MAMDC2: variants seen among roughly 807,000 people sequenced by gnomAD.
The protein encoded by MAMDC2 is MAM domain-containing protein 2.
MAMDC2 carries 57 observed loss-of-function variants against 89.8 expected under a neutral mutation model. The observed-to-expected ratio is 0.63, with a 90% CI of 0.51 to 0.79. The LOEUF is 0.79. MAMDC2 is among the 30% of genes least tolerant of loss of function. The probability of loss-of-function intolerance (pLI) is 0.00; values close to 1 mark genes in which losing one functional copy is unlikely to be tolerated. For missense variants in MAMDC2, 800 were observed against 820.6 expected, an observed-to-expected ratio of 0.97 and a Z score of 0.31; for synonymous variants, 313 against 293.4, an observed-to-expected ratio of 1.07 and a Z score of -0.68.
At chr9:70,140,878 A>G (rs1418506372) in intron 8 of MAMDC2, among the ~76,000 whole-genome samples, 2 of 152,200 alleles carry the variant, frequency 1.3e-5, no homozygotes, top group Non-Finnish European at 2.9e-5. Context: ...CACTTGATGG[A>G]TATATTTACA....
Position 70,044,607 on chromosome 9 carries a change from G to T in MAMDC2, c.58G>T (p.Asp20Tyr), listed in dbSNP as rs193920950. 1 of 1,550,728 alleles carries T rather than the reference G, an allele frequency of 6.4e-7. No individual in the cohort carries two copies. The highest frequency in any genetic ancestry group is 1.2e-5 in the South Asian group (1 of 84,002). The change falls in exon 2 of 14, where the codon GAC becomes TAC. Residue 20 changes from aspartate to tyrosine, a missense_variant. Physicochemically the swap from Asp to Tyr is radical, Grantham distance 160. Coordinates refer to ENST00000377182, the MANE Select transcript of MAMDC2 (RefSeq NM_153267.5). ...AGCCCTGCAGCTCGCCGGTGCCCTC[G>T]ACCTGCCCGCTGGGTCCTGTGCCTT... ...LQALQLAGAL[D>Y]LPAGSCAFEE...
chr9:70,170,461 TCTG>T lies in MAMDC2; in HGVS notation c.1499-15_1499-13del. Reference sequence around the variant, plus strand: ...TGAAAGAGTCTCAGTGATTGCAACATCTGCTATTTTCTTGCAGAGAAACTTCCA... The same window carrying T: ...TGAAAGAGTCTCAGTGATTGCAACATCTATTTTCTTGCAGAGAAACTTCCA... On this transcript the variant is annotated splice_polypyrimidine_tract_variant and intron_variant, in intron 10 of 13. Coordinates refer to ENST00000377182, the MANE Select transcript of MAMDC2 (RefSeq NM_153267.5). 6.3e-7 allele frequency: 1 copy of T among 1,594,946 alleles called. No individual in the cohort carries two copies. Among genetic ancestry groups the T allele is most frequent in the East Asian group, 2.2e-5 (1 of 44,496 alleles).
At chr9:70,154,076 G>A (rs896709996) in intron 9 of MAMDC2, 1 of 152,172 alleles carries the variant, frequency 6.6e-6, no homozygotes, top group African/African-American at 2.4e-5. Flanking sequence ...TAGAACCCTT[G>A]TCTTGTATAG....
intron 2 of MAMDC2, among the ~76,000 whole-genome samples, chr9:70,085,407 G>C (rs1307830966): frequency 6.6e-6 from 1 of 152,036 alleles, no homozygotes; most frequent in Non-Finnish European, 1.5e-5. Context: ...TAGGGTCTTA[G>C]TTTTGTCAAA....
intron 11 of MAMDC2, among the ~76,000 whole-genome samples, chr9:70,171,489 G>A (rs902842903): frequency 6.6e-6 from 1 of 151,942 alleles, no homozygotes; most frequent in Non-Finnish European, 1.5e-5. Flanking sequence ...ACAGAGCAAG[G>A]CCCTGTCTCG....
At chr9:70,155,821 A>G (rs1002187049) in intron 9 of MAMDC2, among the ~76,000 whole-genome samples, 3 of 152,204 alleles carry the variant, frequency 2.0e-5, no homozygotes, top group Admixed American at 6.5e-5. Context: ...TGCAGAAATC[A>G]TTATACATAC....
chr9:70,044,798 G>A (rs1241299639), intron 2 of MAMDC2, 101 bp downstream of exon 2: 3 of 904,466 alleles, frequency 3.3e-6, no homozygotes, highest in Admixed American at 2.0e-5. Flanking sequence ...TTAATTCTCC[G>A]CGGCAAGAAA....
At chr9:70,157,379 C>T (rs1025977242) in intron 9 of MAMDC2, 5 of 152,178 alleles carry the variant, frequency 3.3e-5, no homozygotes, top group East Asian at 1.9e-4. Flanking sequence ...ACAATTCACA[C>T]ATTAATAAAG....
intron 2 of MAMDC2, among the ~76,000 whole-genome samples, chr9:70,100,002 GA>G (rs879324703): frequency 0.059 from 8,697 of 148,240 alleles, 835 homozygotes; most frequent in African/African-American, 0.2. Flanking sequence ...GAGAGAGAGA[GA>G]GAGAGAGAGA....
chr9:70,199,642 GT>G (rs1272205676), intron 11 of MAMDC2, among the ~76,000 whole-genome samples: 19 of 65,482 alleles, frequency 2.9e-4, no homozygotes, highest in African/African-American at 7.7e-4. Context: ...TTCCACAATG[GT>G]TGAACTAGTT....
intron 11 of MAMDC2, among the ~76,000 whole-genome samples, chr9:70,202,856 T>A (rs1301749247): frequency 1.3e-5 from 2 of 150,240 alleles, no homozygotes; most frequent in Non-Finnish European, 3.0e-5. Flanking sequence ...AAGTCTGTTT[T>A]ATCAGAGACT....
At chr9:70,150,568 T>C (rs1477477375) in intron 9 of MAMDC2, among the ~76,000 whole-genome samples, 1 of 152,324 alleles carries the variant, frequency 6.6e-6, no homozygotes, top group East Asian at 1.9e-4. Flanking sequence ...ACATGCTCTC[T>C]TGTTCAGTCC....
intron 2 of MAMDC2, among the ~76,000 whole-genome samples, chr9:70,053,116 C>G (rs1563932793): frequency 6.6e-6 from 1 of 152,276 alleles, no homozygotes; most frequent in East Asian, 1.9e-4. Flanking sequence ...ATAGCACCCA[C>G]CTTGATGGTT....
rs549643749 is a variant in MAMDC2 at position 70,120,388 on chromosome 9, T to C, written c.644-5771T>C. ...GAGGGGATGAGGTTACATGGCAGTT[T>C]CCTTCCTCTACCTCTTCCATGAGTG... On this transcript the variant is annotated intron_variant, in intron 5 of 13. Coordinates refer to ENST00000377182, the MANE Select transcript of MAMDC2 (RefSeq NM_153267.5). Among the ~76,000 whole-genome samples the C allele has an allele frequency of 5.3e-5, 8 of 152,330 alleles. No homozygotes were observed. In the South Asian group the frequency reaches 1.7e-3, roughly 32 times the overall value.
intron 2 of MAMDC2, among the ~76,000 whole-genome samples, chr9:70,052,309 C>A (rs1324101171): frequency 6.6e-6 from 1 of 152,224 alleles, no homozygotes; most frequent in Non-Finnish European, 1.5e-5. Flanking sequence ...CTCCAAATTA[C>A]ATTTCTCCTC....
intron 11 of MAMDC2, among the ~76,000 whole-genome samples, chr9:70,202,252 T>C (rs2033116147): frequency 1.3e-5 from 2 of 151,110 alleles, no homozygotes; most frequent in Admixed American, 6.6e-5. Context: ...TGGTATGTTG[T>C]GTCTTTGTTC....
intron 2 of MAMDC2, chr9:70,092,505 A>G (rs893460530): frequency 6.6e-6 from 1 of 152,332 alleles, no homozygotes; most frequent in African/African-American, 2.4e-5. Flanking sequence ...TCAGTTTTAG[A>G]GCAGGCAGGA....
chr9:70,179,305 G>T (rs956704485), intron 11 of MAMDC2, among the ~76,000 whole-genome samples: 1 of 151,918 alleles, frequency 6.6e-6, no homozygotes, highest in African/African-American at 2.4e-5. Context: ...GAGGTCAGGA[G>T]ATCGAGACTA....
Position 70,113,278 on chromosome 9 carries a change from GGTGTGACAGAAGA to G in MAMDC2, c.643+149_643+161del, listed in dbSNP as rs1306491430. The G allele has an allele frequency of 1.7e-5, 15 of 870,870 alleles. No individual in the cohort carries two copies. The African/African-American group carries it at 2.4e-4, about 14-fold the overall frequency. 53.9% of individuals were successfully genotyped at this position (870,870 alleles called of 1,614,324 possible). On this transcript the variant is annotated intron_variant, in intron 5 of 13. Transcript: ENST00000377182. ...AGTAGGAACTAAGTAGGAACCAGGAGGTGTGACAGAAGAGTAGGGAAGGATCTACAGTGAGGTA... is the reference window on the plus strand; with the variant it reads ...AGTAGGAACTAAGTAGGAACCAGGAGGTAGGGAAGGATCTACAGTGAGGTA...
Sources: allele counts gnomAD v4.1 joint callset (sites outside exome capture counted in the v4.1 genomes callset), GRCh38; gene constraint gnomAD v4.1.1; transcripts MANE v1.5; gene names NCBI Gene and HGNC (gene_info 2026-07-23, HGNC 2026-07-21).